Variants in FRMPD4 observed in about 807,000 individuals in gnomAD.
The protein encoded by FRMPD4 is FERM and PDZ domain-containing protein 4.
Under a neutral mutation model 94.1 loss-of-function variants are expected in FRMPD4, and 22 were observed. The observed-to-expected ratio is 0.23, with a 90% CI of 0.17 to 0.33. The LOEUF (loss-of-function observed/expected upper bound fraction) is 0.33. FRMPD4 is among the 10% of genes least tolerant of loss of function. The pLI, the probability that FRMPD4 is intolerant of heterozygous loss-of-function variation, is 1.00. For missense variants in FRMPD4, 1,111 were observed against 1,339.9 expected (o/e 0.83, Z 2.67); for synonymous variants, 631 against 548.6 (o/e 1.15, Z -2.10).
chrX:12,495,308 A>G (rs749417633), intron 1 of FRMPD4, among the ~76,000 whole-genome samples: 9 of 112,472 alleles, frequency 8.0e-5, no homozygotes, highest in South Asian at 7.3e-4. Flanking sequence ...AAGACTTTAT[A>G]GCACATACTG....
chrX:12,157,672 G>A (rs983611563), intron 1 of FRMPD4, among the ~76,000 whole-genome samples: 4 of 112,000 alleles, frequency 3.6e-5, no homozygotes, highest in Non-Finnish European at 7.5e-5. Context: ...ATACCTTGGT[G>A]GGTTTACTTG....
chrX:12,491,568 AAG>A lies in FRMPD4; in HGVS notation c.42-7110_42-7109del, dbSNP rs762962130. Among the ~76,000 whole-genome samples, 18 of 112,619 alleles carry A rather than the reference AAG, an allele frequency of 1.6e-4. No homozygotes were observed. The East Asian group carries it at 4.2e-3, about 26-fold the overall frequency. ...TGAGCTGTTCTAAGGATTAAAAAGA[AAG>A]AATCTGTGAAAGTGCCTAGAACAGT... On this transcript the variant is annotated intron_variant, in intron 1 of 16. Transcript: ENST00000675598.
At chrX:12,651,746 G>A (rs771785715) in intron 4 of FRMPD4, among the ~76,000 whole-genome samples, 6 of 111,917 alleles carry the variant, frequency 5.4e-5, no homozygotes, top group Admixed American at 1.9e-4. Context: ...TGAAGTGAGC[G>A]TTGAAAGAGA....
At chrX:12,339,771 C>A (rs1291431734) in intron 1 of FRMPD4, among the ~76,000 whole-genome samples, 1 of 111,173 alleles carries the variant, frequency 9.0e-6, no homozygotes, top group Non-Finnish European at 1.9e-5. Flanking sequence ...CACATGCCAC[C>A]ATGCCTGGCT....
intron 1 of FRMPD4, among the ~76,000 whole-genome samples, chrX:11,848,181 A>G (rs917292090): frequency 2.0e-4 from 22 of 110,634 alleles, no homozygotes; most frequent in African/African-American, 7.2e-4. Context: ...TTTTCCCTAG[A>G]GAGTTTCTGT....
intron 3 of FRMPD4, among the ~76,000 whole-genome samples, chrX:12,121,655 A>C (rs1029564337): frequency 1.8e-5 from 2 of 111,323 alleles, no homozygotes; most frequent in Admixed American, 9.5e-5. Flanking sequence ...AGAGTGCAAA[A>C]CTTTGGGATC....
At chrX:12,129,681 G>A (rs182448272) in intron 3 of FRMPD4, among the ~76,000 whole-genome samples, 4 of 111,776 alleles carry the variant, frequency 3.6e-5, no homozygotes, top group African/African-American at 6.5e-5. Flanking sequence ...CTCTGCTATC[G>A]TTGAAAACTC....
chrX:12,178,011 A>G (rs1304055669), intron 1 of FRMPD4, among the ~76,000 whole-genome samples: 1 of 111,371 alleles, frequency 9.0e-6, no homozygotes, highest in Non-Finnish European at 1.9e-5. Context: ...TCACAAATTC[A>G]TTTGCTGAAA....
chrX:12,436,219 G>C (rs778921133), intron 1 of FRMPD4, among the ~76,000 whole-genome samples: 1 of 111,053 alleles, frequency 9.0e-6, no homozygotes, highest in Non-Finnish European at 1.9e-5. Flanking sequence ...TGGCCTGAGC[G>C]GTCTCAAACT....
intron 1 of FRMPD4, among the ~76,000 whole-genome samples, chrX:12,450,863 CA>C (rs5901475): frequency 0.03 from 1,485 of 49,488 alleles, 49 homozygotes; most frequent in African/African-American, 0.095. Flanking sequence ...TCTATTTATC[CA>C]AAAAAAAAAA....
chrX:12,328,557 A>G (rs1016031011), intron 1 of FRMPD4, among the ~76,000 whole-genome samples: 1 of 112,626 alleles, frequency 8.9e-6, no homozygotes, highest in African/African-American at 3.2e-5. Flanking sequence ...TTTGGGGATG[A>G]TTTGTCATAT....
intron 1 of FRMPD4, among the ~76,000 whole-genome samples, chrX:12,420,322 C>A (rs1419841712): frequency 8.9e-6 from 1 of 112,315 alleles, no homozygotes; most frequent in African/African-American, 3.2e-5. Flanking sequence ...CCCACCCGGG[C>A]CTCCATTGTC....
intron 3 of FRMPD4, among the ~76,000 whole-genome samples, chrX:11,962,171 C>T (rs1240347680): frequency 8.9e-6 from 1 of 112,219 alleles, no homozygotes; most frequent in Non-Finnish European, 1.9e-5. Context: ...TCTTGGGCTT[C>T]CCTGCTTCTA....
chrX:12,420,986 T>C (rs1325860780), intron 1 of FRMPD4, among the ~76,000 whole-genome samples: 3 of 112,639 alleles, frequency 2.7e-5, no homozygotes, highest in African/African-American at 9.7e-5. Context: ...CAATCACAGG[T>C]GGCTTGAGCA....
At chrX:12,244,517 G>A (rs2053926493) in intron 1 of FRMPD4, among the ~76,000 whole-genome samples, 1 of 112,336 alleles carries the variant, frequency 8.9e-6, no homozygotes. Context: ...CTTTATTGGA[G>A]AGATTTCAGT....
At chrX:12,105,057 T>C (rs984112123) in intron 3 of FRMPD4, among the ~76,000 whole-genome samples, 3 of 111,636 alleles carry the variant, frequency 2.7e-5, no homozygotes, top group Non-Finnish European at 5.6e-5. Context: ...CGAGTTCAGT[T>C]ATTTGCATAG....
intron 2 of FRMPD4, among the ~76,000 whole-genome samples, chrX:12,505,784 A>G (rs946197012): frequency 1.2e-4 from 13 of 106,979 alleles, no homozygotes; most frequent in African/African-American, 4.4e-4. Flanking sequence ...AGGGCTGGTG[A>G]CAGAAGTGCC....
intron 2 of FRMPD4, among the ~76,000 whole-genome samples, chrX:12,553,434 C>CTATA (rs3066486): frequency 0.026 from 1,040 of 39,558 alleles, 30 homozygotes; most frequent in African/African-American, 0.063. Context: ...ATCCATATGC[C>CTATA]TATATATATA....
At chrX:12,339,858 G>T (rs967915856) in intron 1 of FRMPD4, among the ~76,000 whole-genome samples, 5 of 111,630 alleles carry the variant, frequency 4.5e-5, no homozygotes. Flanking sequence ...CTCATGATCC[G>T]CCCACCTCGG....
Sources: gnomAD v4.1 joint callset for allele counts (sites outside exome capture counted in the v4.1 genomes callset) on GRCh38, gnomAD v4.1.1 for gene constraint, MANE v1.5 for transcripts, NCBI Gene and HGNC (gene_info 2026-07-23, HGNC 2026-07-21) for gene names.